Variants in MUC6 observed in about 807,000 individuals in gnomAD.
MUC6 encodes mucin-6.
A neutral mutation model predicts 201.5 loss-of-function variants in MUC6; 188 were observed. That is an observed-to-expected ratio of 0.93 (90% CI 0.83 to 1.05). The LOEUF is 1.05. MUC6 is among the 50% of genes least tolerant of loss of function. The probability of loss-of-function intolerance (pLI) is 0.00; values close to 1 mark genes in which losing one functional copy is unlikely to be tolerated. For synonymous variants in MUC6, 1,228 were observed against 1,389.4 expected (o/e 0.88, Z 2.58); for missense variants, 2,706 against 3,256.9 (o/e 0.83, Z 4.12).
Position 1,027,362 on chromosome 11 carries a change from C to A in MUC6, c.2137G>T (p.Gly713Cys). The A allele has an allele frequency of 7.4e-6, 12 of 1,612,996 alleles. No individual in the cohort carries two copies. Among genetic ancestry groups the A allele is most frequent in the Non-Finnish European group, 1.0e-5 (12 of 1,179,848 alleles). ...CPDGTYLNQK[G>C]ECVRKAQCPC... is the part of the protein sequence containing the mutation. ...CACTGGGCCTTGCGCACACACTCGC[C>A]CTTTTGGTTCAGGTAGGTGCCATCG... The change falls in exon 17 of 33, where the codon GGC (glycine) becomes TGC (cysteine). Residue 713 changes from glycine to cysteine, a missense_variant. Gly to Cys is a radical substitution (Grantham distance 159). Transcript: ENST00000421673.
chr11:1,013,764 G>T (rs1054842869), intron 32 of MUC6, 131 bp from the exon 33 acceptor site: 1 of 1,389,024 alleles, frequency 7.2e-7, no homozygotes, highest in South Asian at 1.2e-5. Flanking sequence ...GGCCAGGGCG[G>T]TGTTGGGCAG....
At chr11:1,025,474 C>T (rs1388084823) in intron 22 of MUC6, 107 bp from the exon 23 acceptor site, 21 of 1,347,898 alleles carry the variant, frequency 1.6e-5, no homozygotes, top group Non-Finnish European at 1.5e-5. Flanking sequence ...TCTGTTAAGG[C>T]CATGCACAGG....
At chr11:1,028,478 C>T in intron 13 of MUC6, 91 bp from the exon 14 acceptor site, 2 of 1,553,684 alleles carry the variant, frequency 1.3e-6, no homozygotes, top group East Asian at 2.3e-5. Context: ...CTTCCTCTAA[C>T]AGCACCCTGG....
At position 1,025,173 on chromosome 11, in the gene MUC6, G is replaced by A. The variant is rs757294080; in HGVS notation, c.2985+9C>T. ...GAGGGCCTGGGAGGAGGCAGAGGGC[G>A]TGCGGTACCTGGGAGGCACGGGCGA... On this transcript the variant is annotated intron_variant, in intron 23 of 32. Coordinates refer to ENST00000421673, the MANE Select transcript of MUC6 (RefSeq NM_005961.3). 7 of 1,610,498 alleles carry A rather than the reference G, an allele frequency of 4.3e-6. No individual in the cohort carries two copies. Among genetic ancestry groups the A allele is most frequent in the African/African-American group, 2.7e-5 (2 of 74,920 alleles).
chr11:1,027,990 G>A lies in MUC6; in HGVS notation c.1823C>T (p.Thr608Ile). 6.3e-7 allele frequency: 1 copy of A among 1,582,886 alleles called. No homozygotes were observed. The highest frequency in any genetic ancestry group is 8.6e-7 in the Non-Finnish European group (1 of 1,164,872). The change falls in exon 15 of 33, where the codon ACA (threonine) becomes ATA (isoleucine). Residue 608 changes from threonine to isoleucine, a missense_variant. Physicochemically the swap from Thr to Ile is moderately conservative, Grantham distance 89. This residue lies in a region of MUC6 where 1,850 missense variants were observed against 1,958.3 expected (regional missense o/e 0.94). Transcript: ENST00000421673. ...CTTGTAGAAGGGTGCAGGGTTCACTGTGGCGTGGCACCTCTCGAACACCGT... is the reference window on the plus strand; with the variant it reads ...CTTGTAGAAGGGTGCAGGGTTCACTATGGCGTGGCACCTCTCGAACACCGT... ...TGTVFERCHA[T>I]VNPAPFYKRC...
At position 1,020,206 on chromosome 11, in the gene MUC6, C is replaced by T; in HGVS notation, c.3692G>A (p.Gly1231Glu). ...TGAGGGTCCGGTGGAGCTGAGAAGC[C>T]CGATGGTGGTGGAGGTTCCCGTCAT... ...WPMTGTSTTI[G>E]LLSSTGPSPS... is the part of the protein sequence containing the mutation. The change falls in exon 29 of 33, where the codon GGG becomes GAG. Residue 1231 changes from glycine to glutamate, a missense_variant. Physicochemically the swap from Gly to Glu is moderately conservative, Grantham distance 98. Transcript: ENST00000421673. 6.2e-7 allele frequency: 1 copy of T among 1,611,260 alleles called. No individual in the cohort carries two copies. Among genetic ancestry groups the T allele is most frequent in the Non-Finnish European group, 8.5e-7 (1 of 1,179,354 alleles).
At chr11:1,018,950 C>T (rs978019670) in intron 30 of MUC6, among the ~76,000 whole-genome samples, 180 bp from the exon 31 acceptor site, 1 of 152,178 alleles carries the variant, frequency 6.6e-6, no homozygotes, top group Non-Finnish European at 1.5e-5. Context: ...TGGACTTGCT[C>T]CACATCCTGC....
chr11:1,015,511 G>A (rs1401132193), intron 31 of MUC6, among the ~76,000 whole-genome samples: 1 of 152,132 alleles, frequency 6.6e-6, no homozygotes, highest in African/African-American at 2.4e-5. Flanking sequence ...CCAGTGCAGG[G>A]AAAGGTCAAG....
chr11:1,025,349 C>T lies in MUC6; in HGVS notation c.2818G>A (p.Ala940Thr). The change falls in exon 23 of 33, where the codon GCG (alanine) becomes ACG (threonine). Residue 940 changes from alanine to threonine, a missense_variant. Around this residue, in one of 10 missense-constraint regions of MUC6, gnomAD observed 1,850 missense variants for 1,958.3 expected, o/e 0.94. Coordinates refer to ENST00000421673, the MANE Select transcript of MUC6 (RefSeq NM_005961.3). ...CCGGTGACCGTGTAGTTTCTGTCCG[C>T]CAGCACCACGGACAGGCCCTGTGGG... Reference protein sequence around the residue: ...IFLGGLSVVLADRNYTVTGEE... With the variant: ...IFLGGLSVVLTDRNYTVTGEE... The T allele has an allele frequency of 2.5e-6, 4 of 1,610,480 alleles. No individual in the cohort carries two copies. The highest frequency in any genetic ancestry group is 3.4e-6 in the Non-Finnish European group (4 of 1,178,306).
intron 26 of MUC6, among the ~76,000 whole-genome samples, chr11:1,022,474 C>T (rs961653085): frequency 5.3e-5 from 8 of 152,222 alleles, no homozygotes; most frequent in Non-Finnish European, 7.3e-5. Context: ...CTCCCCTCCT[C>T]ACCTTTCCCA....
Position 1,028,302 on chromosome 11 carries a change from C to T in MUC6, c.1677G>A (p.Val559=), listed in dbSNP as rs746474608. The T allele has an allele frequency of 6.2e-7, 1 of 1,611,070 alleles. No individual in the cohort carries two copies. Among genetic ancestry groups the T allele is most frequent in the Non-Finnish European group, 8.5e-7 (1 of 1,179,328 alleles). ...GACAGTTCCCCGCCCGCCAGGAGTCCACAAACAGCGAGGCGGTGCCCTCGG... is the reference window on the plus strand; with the variant it reads ...GACAGTTCCCCGCCCGCCAGGAGTCTACAAACAGCGAGGCGGTGCCCTCGG... ...GIAEGTASLF[V]DSWRAGNCPA... Residue 559 remains valine (V), a synonymous_variant, in exon 14 of 33, where the codon GTG becomes GTA. Coordinates refer to ENST00000421673, the MANE Select transcript of MUC6 (RefSeq NM_005961.3).
chr11:1,016,599 T>C lies in MUC6; in HGVS notation c.6202A>G (p.Thr2068Ala), dbSNP rs1856622484. Residue 2068 changes from threonine (T) to alanine (A), a missense_variant, in exon 31 of 33, where the codon ACC becomes GCC. Coordinates refer to ENST00000421673, the MANE Select transcript of MUC6 (RefSeq NM_005961.3). The stretch of plus-strand genomic sequence containing the variant: ...CTGTGGGTTTGGCTGGTCCCACTGG[T>C]GGTCACTGTCATTGGTGGGGCTGTG... Reference protein sequence around the residue: ...THTAPPMTVTTSGTSQTHSSF... With the variant: ...THTAPPMTVTASGTSQTHSSF... 1 of 1,613,742 alleles carries C rather than the reference T, an allele frequency of 6.2e-7. No homozygotes were observed. Among genetic ancestry groups the C allele is most frequent in the Non-Finnish European group, 8.5e-7 (1 of 1,179,608 alleles).
chr11:1,029,114 C>T lies in MUC6; in HGVS notation c.1312G>A (p.Val438Met). 1.9e-6 allele frequency: 3 copies of T among 1,612,650 alleles called. No individual in the cohort carries two copies. Among genetic ancestry groups the T allele is most frequent in the South Asian group, 2.2e-5 (2 of 91,064 alleles). Reference sequence around the variant, plus strand: ...TGTGAGACGCCGGACTTGTCGTACACAGCCATGAGGGCACCGTCCTCGGGA... The same window carrying T: ...TGTGAGACGCCGGACTTGTCGTACATAGCCATGAGGGCACCGTCCTCGGGA... ...QLPEDGALMAVYDKSGVSHSE... is the reference protein window; with the variant it reads ...QLPEDGALMAMYDKSGVSHSE... Residue 438 changes from valine to methionine, a missense_variant, in exon 11 of 33, where the codon GTG becomes ATG. Transcript: ENST00000421673.
In MUC6 at chr11:1,027,012, G is replaced by A; in HGVS notation, c.2323C>T (p.Gln775Ter). Residue 775 changes from glutamine (Q) to a stop codon, truncating the protein, a stop_gained, in exon 19 of 33, where the codon CAG becomes TAG. Coordinates refer to ENST00000421673, the MANE Select transcript of MUC6 (RefSeq NM_005961.3). LOFTEE classifies it high-confidence loss of function. ...GCCCCAAACTTGTTCTCGGAGGACT[G>A]GCTGCAGGACTTGAAGGTCTTAGGG... is the stretch of plus-strand genomic sequence containing the variant. ...QAPKTFKSCS[Q>*]SSENKFGAAC... 1 of 1,602,874 alleles carries A rather than the reference G, an allele frequency of 6.2e-7. No homozygotes were observed. The highest frequency in any genetic ancestry group is 1.1e-5 in the South Asian group (1 of 89,446).
At chr11:1,019,571 C>T (rs527842085) in intron 29 of MUC6, 75 bp from the exon 30 acceptor site, 5 of 1,369,490 alleles carry the variant, frequency 3.7e-6, no homozygotes, top group Non-Finnish European at 5.2e-6. Flanking sequence ...CAGCCCCCTG[C>T]CCTGCTTCTG....
chr11:1,022,390 G>T (rs1288064137), intron 26 of MUC6, among the ~76,000 whole-genome samples: 2 of 152,116 alleles, frequency 1.3e-5, no homozygotes, highest in Non-Finnish European at 2.9e-5. Context: ...CGCTGGCTCT[G>T]CCCGCTGCCC....
rs1857086542 is a variant in MUC6 at position 1,030,942 on chromosome 11, C to A, written c.684+5G>T. On this transcript the variant is annotated splice_donor_5th_base_variant and intron_variant, in intron 6 of 32. Coordinates refer to ENST00000421673, the MANE Select transcript of MUC6 (RefSeq NM_005961.3). ...GTCAGCCCCACCTGGAGCCCCCTTG[C>A]TTACGTGCTGGGCCTGCCGGACGTG... The A allele has an allele frequency of 2.6e-6, 4 of 1,564,788 alleles. No homozygotes were observed. Among genetic ancestry groups the A allele is most frequent in the African/African-American group, 1.4e-5 (1 of 73,772 alleles).
intron 7 of MUC6, 110 bp downstream of exon 7, chr11:1,030,463 T>C (rs959974629): frequency 2.1e-6 from 3 of 1,413,346 alleles, no homozygotes; most frequent in African/African-American, 2.9e-5. Flanking sequence ...ATCTCCTGTC[T>C]CTCAGACCAG....
At chr11:1,021,912 G>T (rs1856817317) in intron 26 of MUC6, among the ~76,000 whole-genome samples, 1 of 151,956 alleles carries the variant, frequency 6.6e-6, no homozygotes, top group Non-Finnish European at 1.5e-5. Context: ...CTTGGGCCAG[G>T]ACCTGTTAAT....
Sources: gnomAD v4.1 joint callset for allele counts (sites outside exome capture counted in the v4.1 genomes callset) on GRCh38, gnomAD v4.1.1 for gene constraint, gnomAD v4.1.1 regional missense constraint, MANE v1.5 for transcripts, NCBI Gene and HGNC (gene_info 2026-07-23, HGNC 2026-07-21) for gene names.